Variants in BMX observed in about 807,000 individuals in gnomAD.
BMX encodes BMX non-receptor tyrosine kinase, also known as cytoplasmic tyrosine-protein kinase BMX.
BMX carries 31 observed loss-of-function variants against 59.2 expected under a neutral mutation model. The ratio of observed to expected loss-of-function variants is 0.52; its 90% confidence interval spans 0.39 to 0.71. The LOEUF is 0.71. BMX is among the 30% of genes least tolerant of loss of function. The probability of loss-of-function intolerance (pLI) is 0.00; values close to 1 mark genes in which losing one functional copy is unlikely to be tolerated. For synonymous variants in BMX, 185 were observed against 181.0 expected (o/e 1.02, Z -0.18); for missense variants, 474 against 491.7 (o/e 0.96, Z 0.34).
intron 6 of BMX, among the ~76,000 whole-genome samples, chrX:15,519,465 A>G (rs148027242): frequency 0.023 from 2,554 of 111,526 alleles, 26 homozygotes; most frequent in Non-Finnish European, 0.038. Flanking sequence ...AAATCACACG[A>G]AAGATGAGAG....
At chrX:15,508,174 A>G (rs1266018308) in intron 1 of BMX, among the ~76,000 whole-genome samples, 171 bp from the exon 2 acceptor site, 1 of 112,220 alleles carries the variant, frequency 8.9e-6, no homozygotes, top group East Asian at 2.8e-4. Context: ...AAGGCAGCAG[A>G]AAAACTGTAG....
At chrX:15,515,568 C>G (rs974341887) in intron 4 of BMX, among the ~76,000 whole-genome samples, 3 of 111,547 alleles carry the variant, frequency 2.7e-5, no homozygotes, top group African/African-American at 9.8e-5. Flanking sequence ...GAAAGAGATA[C>G]AGCAGATGTG....
intron 6 of BMX, among the ~76,000 whole-genome samples, chrX:15,521,691 A>G (rs1186323456): frequency 1.8e-5 from 2 of 111,135 alleles, no homozygotes; most frequent in African/African-American, 3.3e-5. Context: ...CTCTGCTTCC[A>G]TCCTCACAGC....
At chrX:15,532,401 G>A (rs1256638932) in intron 11 of BMX, among the ~76,000 whole-genome samples, 1 of 111,041 alleles carries the variant, frequency 9.0e-6, no homozygotes, top group African/African-American at 3.3e-5. Flanking sequence ...AGAGGATTGA[G>A]GTTCAAAAAG....
At chrX:15,507,231 G>A (rs1923774340) in intron 1 of BMX, 3 of 533,229 alleles carry the variant, frequency 5.6e-6, no homozygotes, top group Non-Finnish European at 6.9e-6. Flanking sequence ...CAATGCCTGT[G>A]TGGGTGCTTC....
chrX:15,529,515 T>C (rs753450343), intron 9 of BMX, among the ~76,000 whole-genome samples: 15 of 112,678 alleles, frequency 1.3e-4, no homozygotes, highest in Admixed American at 9.4e-4. Context: ...GCTCTTGGCC[T>C]GTTGAGCTCC....
At chrX:15,521,664 G>C (rs56031722) in intron 6 of BMX, among the ~76,000 whole-genome samples, 10,290 of 110,579 alleles carry the variant, frequency 0.093, 1,166 homozygotes, top group African/African-American at 0.32. Context: ...AAGGTTGCAG[G>C]ACCTCTACTC....
chrX:15,522,854 T>C (rs1365678124), intron 7 of BMX, among the ~76,000 whole-genome samples: 1 of 111,934 alleles, frequency 8.9e-6, no homozygotes, highest in African/African-American at 3.2e-5. Flanking sequence ...CCCCCAAATA[T>C]CTCCACATTC....
Position 15,539,926 on chromosome X carries a change from A to G in BMX, c.1395-2056A>G, listed in dbSNP as rs779952794. 5.1e-3 allele frequency among the ~76,000 whole-genome samples: 571 copies of G among 112,435 alleles called. 2 individuals carry two copies. The highest frequency in any genetic ancestry group is 0.017 in the African/African-American group (539 of 30,975). Reference sequence around the variant, plus strand: ...ATGGCAATCATTAAAAAGCCAGGAAACAACAGATGCTGGAGAGGATGTGGA... The same window carrying G: ...ATGGCAATCATTAAAAAGCCAGGAAGCAACAGATGCTGGAGAGGATGTGGA... On this transcript the variant is annotated intron_variant, in intron 14 of 18. Coordinates refer to ENST00000348343, the MANE Select transcript of BMX (RefSeq NM_203281.3).
chrX:15,504,031 G>A (rs1353054549), intron 1 of BMX, among the ~76,000 whole-genome samples: 2 of 111,659 alleles, frequency 1.8e-5, no homozygotes, highest in Non-Finnish European at 3.8e-5. Context: ...GGCACATAGT[G>A]AGCCCTCCTT....
chrX:15,509,509 G>A (rs1242653848), intron 3 of BMX, 76 bp downstream of exon 3: 2 of 624,869 alleles, frequency 3.2e-6, no homozygotes, highest in African/African-American at 4.7e-5. Flanking sequence ...AATATATCTA[G>A]GAAAAATAAT....
intron 7 of BMX, among the ~76,000 whole-genome samples, chrX:15,524,604 G>A (rs1238020495): frequency 8.9e-6 from 1 of 112,155 alleles, no homozygotes; most frequent in East Asian, 2.8e-4. Flanking sequence ...GCATTTTAGA[G>A]TTTAAGGGCT....
intron 1 of BMX, among the ~76,000 whole-genome samples, chrX:15,504,297 G>A (rs1184073974): frequency 1.8e-5 from 2 of 111,454 alleles, no homozygotes; most frequent in Non-Finnish European, 3.8e-5. Flanking sequence ...TTTAAGTCCC[G>A]TAAAGTAAGA....
At chrX:15,519,187 T>C (rs771273774) in intron 6 of BMX, among the ~76,000 whole-genome samples, 61 of 111,750 alleles carry the variant, frequency 5.5e-4, no homozygotes, top group African/African-American at 1.8e-3. Flanking sequence ...CTCTGGAAGT[T>C]CACCTGAAAG....
At chrX:15,550,909 G>A (rs1926167705) in intron 18 of BMX, among the ~76,000 whole-genome samples, 1 of 111,484 alleles carries the variant, frequency 9.0e-6, no homozygotes, top group Non-Finnish European at 1.9e-5. Flanking sequence ...GCTGAAGCAG[G>A]AAATCTCTAC....
chrX:15,549,776 C>T (rs1569231659), intron 17 of BMX, 64 bp from the exon 18 acceptor site: 1 of 1,145,041 alleles, frequency 8.7e-7, no homozygotes, highest in Non-Finnish European at 1.2e-6. Context: ...ACTCCACAAA[C>T]CCTGTACTTT....
At chrX:15,538,933 G>C (rs1003844222) in intron 14 of BMX, among the ~76,000 whole-genome samples, 1 of 111,417 alleles carries the variant, frequency 9.0e-6, no homozygotes, top group Non-Finnish European at 1.9e-5. Context: ...AAGGTACCTA[G>C]AAGGGCACAG....
intron 9 of BMX, 147 bp downstream of exon 9, chrX:15,526,242 A>G (rs1214181282): frequency 2.3e-6 from 1 of 443,723 alleles, no homozygotes; most frequent in East Asian, 4.1e-5. Context: ...TGGGTCATTT[A>G]TCTAGATGAC....
chrX:15,511,290 A>G (rs1001902203), intron 3 of BMX, 147 bp from the exon 4 acceptor site: 3 of 416,963 alleles, frequency 7.2e-6, no homozygotes, highest in Non-Finnish European at 8.1e-6. Context: ...GGATTTTTTA[A>G]GAAAATTTTT....
Sources: allele counts gnomAD v4.1 joint callset (sites outside exome capture counted in the v4.1 genomes callset), GRCh38; gene constraint gnomAD v4.1.1; transcripts MANE v1.5; gene names NCBI Gene and HGNC (gene_info 2026-07-23, HGNC 2026-07-21).